The following HDAC9 variants were observed in gnomAD, a reference collection of about 807,000 sequenced individuals.
HDAC9 encodes histone deacetylase 9, also known as MEF-2 interacting transcription repressor (MITR) protein.
A neutral mutation model predicts 139.4 loss-of-function variants in HDAC9; 41 were observed. That is an observed-to-expected ratio of 0.29 (90% CI 0.23 to 0.38). HDAC9 has a LOEUF of 0.38. Among genes scored for constraint, HDAC9 ranks in the 10% least tolerant of loss-of-function variants. The probability of loss-of-function intolerance (pLI) is 1.00; values close to 1 mark genes in which losing one functional copy is unlikely to be tolerated. For synonymous variants in HDAC9, 517 were observed against 476.2 expected (o/e 1.09, Z -1.12); for missense variants, 1,147 against 1,297.0 (o/e 0.88, Z 1.78).
intron 24 of HDAC9, among the ~76,000 whole-genome samples, chr7:18,961,442 A>T (rs1004252182): frequency 6.6e-6 from 1 of 152,190 alleles, no homozygotes; most frequent in African/African-American, 2.4e-5. Flanking sequence ...CACGATAGGA[A>T]ATTGTGAAGA....
intron 1 of HDAC9, among the ~76,000 whole-genome samples, chr7:18,389,651 CA>C (rs1183849334): frequency 9.2e-5 from 14 of 152,020 alleles, no homozygotes; most frequent in African/African-American, 3.4e-4. Flanking sequence ...GTCTCTGCCA[CA>C]AGATGATGGG....
At chr7:18,276,886 A>G (rs1334822195) in intron 2 of HDAC9, among the ~76,000 whole-genome samples, 1 of 152,170 alleles carries the variant, frequency 6.6e-6, no homozygotes, top group Non-Finnish European at 1.5e-5. Flanking sequence ...AGTGACAAAA[A>G]TGGCTTCTTT....
chr7:18,246,211 A>G (rs148846428), intron 2 of HDAC9, among the ~76,000 whole-genome samples: 1 of 150,492 alleles, frequency 6.6e-6, no homozygotes, highest in Non-Finnish European at 1.5e-5. Flanking sequence ...ATTATGAAGT[A>G]GGTGGTTGGC....
chr7:18,421,208 T>C (rs1484033514), intron 1 of HDAC9, among the ~76,000 whole-genome samples: 1 of 152,216 alleles, frequency 6.6e-6, no homozygotes, highest in African/African-American at 2.4e-5. Flanking sequence ...TTATTTCATA[T>C]TTAGAATAAT....
At chr7:18,186,089 T>G (rs1240532045) in intron 2 of HDAC9, among the ~76,000 whole-genome samples, 1 of 152,252 alleles carries the variant, frequency 6.6e-6, no homozygotes, top group Non-Finnish European at 1.5e-5. Flanking sequence ...AAATCCTATT[T>G]TGAAGATGGA....
intron 1 of HDAC9, among the ~76,000 whole-genome samples, chr7:18,373,902 A>G (rs1338370358): frequency 2.0e-5 from 3 of 152,116 alleles, no homozygotes; most frequent in Non-Finnish European, 2.9e-5. Flanking sequence ...ATTTTTAGAA[A>G]TAGAAAAGCA....
chr7:18,739,912 A>T (rs189130477), intron 13 of HDAC9, among the ~76,000 whole-genome samples: 1 of 152,246 alleles, frequency 6.6e-6, no homozygotes, highest in East Asian at 1.9e-4. Context: ...GCTGAGCTGC[A>T]GTGGGCTCTG....
intron 13 of HDAC9, 144 bp from the exon 14 acceptor site, chr7:18,748,861 G>C (rs780715082): frequency 6.4e-6 from 5 of 785,730 alleles, no homozygotes; most frequent in Non-Finnish European, 1.0e-5. Flanking sequence ...ATGTGCTCCT[G>C]AGAATTTGCT....
At chr7:18,388,734 TG>T (rs1375935917) in intron 1 of HDAC9, among the ~76,000 whole-genome samples, 1 of 152,102 alleles carries the variant, frequency 6.6e-6, no homozygotes, top group African/African-American at 2.4e-5. Context: ...GGGGAATTGG[TG>T]GGGTGGCTTT....
intron 22 of HDAC9, among the ~76,000 whole-genome samples, chr7:18,915,082 A>C (rs1205864181): frequency 1.3e-5 from 2 of 152,088 alleles, no homozygotes; most frequent in African/African-American, 4.8e-5. Flanking sequence ...ACAATAAATC[A>C]ATTTGTACGC....
At chr7:18,350,902 A>G (rs1294078714) in intron 1 of HDAC9, among the ~76,000 whole-genome samples, 2 of 152,008 alleles carry the variant, frequency 1.3e-5, no homozygotes, top group African/African-American at 4.8e-5. Flanking sequence ...GGGGCCTTCT[A>G]GTTTCTGAAC....
chr7:18,890,476 AG>A (rs1332082821), intron 22 of HDAC9, among the ~76,000 whole-genome samples: 2 of 152,226 alleles, frequency 1.3e-5, no homozygotes, highest in Non-Finnish European at 2.9e-5. Flanking sequence ...CTATGTAACA[AG>A]GAGTCAGTTT....
At chr7:18,578,091 A>G in intron 2 of HDAC9, 1 of 517,364 alleles carries the variant, frequency 1.9e-6, no homozygotes, top group African/African-American at 1.9e-5. Flanking sequence ...TCCCTTTCCC[A>G]GAGTGCTCTG....
intron 2 of HDAC9, among the ~76,000 whole-genome samples, chr7:18,214,759 AG>A (rs1275522528): frequency 6.6e-6 from 1 of 152,148 alleles, no homozygotes; most frequent in Non-Finnish European, 1.5e-5. Flanking sequence ...TAAATTCATT[AG>A]TGAATGCAGC....
chr7:18,133,932 G>GCGCACA (rs1554304477), intron 1 of HDAC9, among the ~76,000 whole-genome samples: 1 of 145,828 alleles, frequency 6.9e-6, no homozygotes, highest in African/African-American at 2.6e-5. Context: ...ATACACGCGT[G>GCGCACA]CACACACACA....
intron 2 of HDAC9, among the ~76,000 whole-genome samples, chr7:18,553,959 A>C (rs946691914): frequency 6.6e-6 from 1 of 152,164 alleles, no homozygotes; most frequent in African/African-American, 2.4e-5. Context: ...GTGGGACACT[A>C]TTGGCATTTT....
chr7:18,506,787 A>G (rs977654396), intron 2 of HDAC9, among the ~76,000 whole-genome samples: 1 of 152,184 alleles, frequency 6.6e-6, no homozygotes, highest in African/African-American at 2.4e-5. Context: ...ATTATAATGC[A>G]CTATTGTGAG....
intron 6 of HDAC9, among the ~76,000 whole-genome samples, chr7:18,596,182 A>G (rs1403819350): frequency 6.6e-6 from 1 of 152,062 alleles, no homozygotes; most frequent in Non-Finnish European, 1.5e-5. Flanking sequence ...GATCTGTAAA[A>G]CCAAACATTT....
At chr7:18,975,365 T>TA (rs1784486234) in intron 24 of HDAC9, among the ~76,000 whole-genome samples, 1 of 152,244 alleles carries the variant, frequency 6.6e-6, no homozygotes, top group Non-Finnish European at 1.5e-5. Context: ...TCTTTTTCTT[T>TA]AATATTCCAA....
Sources: gnomAD v4.1 joint callset for allele counts (sites outside exome capture counted in the v4.1 genomes callset) on GRCh38, gnomAD v4.1.1 for gene constraint, MANE v1.5 for transcripts, NCBI Gene and HGNC (gene_info 2026-07-23, HGNC 2026-07-21) for gene names.